HERPUD2: variants seen among roughly 807,000 people sequenced by gnomAD.
HERPUD2 encodes the protein homocysteine-responsive endoplasmic reticulum-resident ubiquitin-like domain member 2 protein.
Under a neutral mutation model 49.9 loss-of-function variants are expected in HERPUD2, and 13 were observed. The observed-to-expected ratio is 0.26, with a 90% confidence interval of 0.17 to 0.41. HERPUD2 has a LOEUF of 0.41. Among genes scored for constraint, HERPUD2 ranks in the 10% least tolerant of loss-of-function variants. The pLI, the probability that HERPUD2 is intolerant of heterozygous loss-of-function variation, is 1.00. For synonymous variants in HERPUD2, 172 were observed against 171.4 expected, an observed-to-expected ratio of 1.00 and a Z score of -0.03; for missense variants, 449 against 492.2, an observed-to-expected ratio of 0.91 and a Z score of 0.83.
rs1442694334 is a variant in HERPUD2, at chr7:35,633,565, A to T, written c.*125T>A. On this transcript the variant is annotated 3_prime_UTR_variant, in exon 9 of 9. Transcript: ENST00000311350. Reference sequence around the variant, plus strand: ...AAATATTCATATGCATGAGAAGCCTAAAGAAAAAAAACACCTCTGTACATG... The same window carrying T: ...AAATATTCATATGCATGAGAAGCCTTAAGAAAAAAAACACCTCTGTACATG... 2.9e-6 allele frequency: 2 copies of T among 684,004 alleles called. No individual in the cohort carries two copies. Among genetic ancestry groups the T allele is most frequent in the African/African-American group, 3.7e-5 (2 of 54,434 alleles). 42.4% of individuals were successfully genotyped at this position (684,004 alleles called of 1,614,324 possible).
intron 2 of HERPUD2, among the ~76,000 whole-genome samples, chr7:35,689,908 C>A (rs1786142767): frequency 1.3e-5 from 2 of 152,188 alleles, no homozygotes; most frequent in Non-Finnish European, 1.5e-5. Flanking sequence ...ATCTTAGTGA[C>A]TGCTTGTTCA....
At chr7:35,639,504 G>A (rs1745620302) in intron 5 of HERPUD2, among the ~76,000 whole-genome samples, 1 of 151,976 alleles carries the variant, frequency 6.6e-6, no homozygotes, top group Admixed American at 6.6e-5. Flanking sequence ...TTCCAACACC[G>A]AACATGATGC....
intron 5 of HERPUD2, among the ~76,000 whole-genome samples, chr7:35,653,434 A>G (rs1010994219): frequency 1.3e-5 from 2 of 152,236 alleles, no homozygotes; most frequent in Non-Finnish European, 2.9e-5. Context: ...AGAAAACATG[A>G]TCAGACCTAA....
At chr7:35,643,768 T>C (rs565472916) in intron 5 of HERPUD2, among the ~76,000 whole-genome samples, 26 of 151,194 alleles carry the variant, frequency 1.7e-4, no homozygotes, top group African/African-American at 6.0e-4. Flanking sequence ...GTTTTGACAC[T>C]GGAACACTAA....
At chr7:35,662,966 T>G (rs1463842921) in intron 5 of HERPUD2, among the ~76,000 whole-genome samples, 5 of 152,218 alleles carry the variant, frequency 3.3e-5, no homozygotes, top group Admixed American at 1.3e-4. Flanking sequence ...GATGTTAGGG[T>G]GTCAATTTTA....
At chr7:35,657,706 G>C (rs1401758787) in intron 5 of HERPUD2, among the ~76,000 whole-genome samples, 2 of 149,464 alleles carry the variant, frequency 1.3e-5, no homozygotes, top group Admixed American at 1.3e-4. Flanking sequence ...TCAGGAGATC[G>C]AGACCATCCT....
At chr7:35,669,159 C>A (rs1324968636) in intron 4 of HERPUD2, among the ~76,000 whole-genome samples, 1 of 152,150 alleles carries the variant, frequency 6.6e-6, no homozygotes, top group African/African-American at 2.4e-5. Context: ...GTGCCAATGC[C>A]AATGTCTGTG....
intron 2 of HERPUD2, among the ~76,000 whole-genome samples, chr7:35,681,623 T>C (rs1214795390): frequency 6.6e-6 from 1 of 152,124 alleles, no homozygotes; most frequent in East Asian, 1.9e-4. Context: ...TGTATATAAA[T>C]ATATGCACAC....
chr7:35,661,601 T>G (rs932216089), intron 5 of HERPUD2, among the ~76,000 whole-genome samples: 9 of 152,268 alleles, frequency 5.9e-5, no homozygotes, highest in East Asian at 5.8e-4. Flanking sequence ...TCCCTTGTAA[T>G]TTGGATTCCT....
intron 4 of HERPUD2, among the ~76,000 whole-genome samples, chr7:35,669,459 C>G (rs570351795): frequency 2.0e-5 from 3 of 152,264 alleles, no homozygotes; most frequent in Non-Finnish European, 4.4e-5. Context: ...TAGAAAAGTT[C>G]CCTGACTGCT....
chr7:35,642,669 G>A (rs757439334), intron 5 of HERPUD2, among the ~76,000 whole-genome samples: 4 of 152,174 alleles, frequency 2.6e-5, no homozygotes, highest in Admixed American at 6.5e-5. Flanking sequence ...CATGGATGGA[G>A]CTGGAGGTCA....
intron 5 of HERPUD2, among the ~76,000 whole-genome samples, chr7:35,652,672 G>A (rs1785191606): frequency 6.6e-6 from 1 of 151,104 alleles, no homozygotes; most frequent in Non-Finnish European, 1.5e-5. Flanking sequence ...GAGAAAGGGA[G>A]GAAGGGAGGG....
At chr7:35,657,603 CAAAAAA>C (rs34292182) in intron 5 of HERPUD2, among the ~76,000 whole-genome samples, 1 of 57,098 alleles carries the variant, frequency 1.8e-5, no homozygotes, top group Non-Finnish European at 3.4e-5. Flanking sequence ...GACCTTCTCT[CAAAAAA>C]AAAAAAAAAA....
chr7:35,692,508 A>G (rs1175781486), intron 2 of HERPUD2, among the ~76,000 whole-genome samples: 2 of 152,240 alleles, frequency 1.3e-5, no homozygotes, highest in Non-Finnish European at 2.9e-5. Flanking sequence ...GAAACTAATC[A>G]TATGCAACAG....
intron 2 of HERPUD2, among the ~76,000 whole-genome samples, chr7:35,681,226 C>T (rs1256794486): frequency 6.6e-6 from 1 of 152,124 alleles, no homozygotes; most frequent in Non-Finnish European, 1.5e-5. Flanking sequence ...TATCTTTCCA[C>T]AGCAAGGTCA....
chr7:35,680,315 G>A (rs1203177233), intron 2 of HERPUD2, among the ~76,000 whole-genome samples: 1 of 151,810 alleles, frequency 6.6e-6, no homozygotes, highest in African/African-American at 2.4e-5. Flanking sequence ...AGGCTGAGGT[G>A]AGAGGATCAC....
chr7:35,657,603 CAAA>C (rs34292182), intron 5 of HERPUD2, among the ~76,000 whole-genome samples: 7 of 57,086 alleles, frequency 1.2e-4, no homozygotes, highest in Admixed American at 4.1e-4. Context: ...GACCTTCTCT[CAAA>C]AAAAAAAAAA....
rs1562665599 is a variant in HERPUD2 at position 35,634,356 on chromosome 7, T to TA, written c.1014dup (p.Asn339Ter). On this transcript the variant is annotated frameshift_variant, in exon 8 of 9. Transcript: ENST00000311350. LOFTEE classifies it high-confidence loss of function. ...TTGTTTGCATTTTGCCCATCATTGT[T>TA]AACTTCGGCATTATTGTTGGGAGCC... 6.2e-7 allele frequency: 1 copy of TA among 1,613,968 alleles called. No individual in the cohort carries two copies. The highest frequency in any genetic ancestry group is 1.1e-5 in the South Asian group (1 of 91,080).
At chr7:35,662,302 C>T (rs997097624) in intron 5 of HERPUD2, among the ~76,000 whole-genome samples, 3 of 152,110 alleles carry the variant, frequency 2.0e-5, no homozygotes, top group Middle Eastern at 3.2e-3. Context: ...ATTTTTACAT[C>T]GATGTTCATC....
Sources: gnomAD v4.1 joint callset for allele counts (sites outside exome capture counted in the v4.1 genomes callset) on GRCh38, gnomAD v4.1.1 for gene constraint, MANE v1.5 for transcripts, NCBI Gene and HGNC (gene_info 2026-07-23, HGNC 2026-07-21) for gene names.